The following FAT2 variants were observed in gnomAD, a reference collection of about 807,000 sequenced individuals.
The protein encoded by FAT2 is FAT atypical cadherin 2.
A neutral mutation model predicts 295.3 loss-of-function variants in FAT2; 150 were observed. That is an observed-to-expected ratio of 0.51 (90% CI 0.44 to 0.58). The LOEUF (loss-of-function observed/expected upper bound fraction) is 0.58, where lower values mean the gene tolerates loss of function less well. Among genes scored for constraint, FAT2 ranks in the 20% least tolerant of loss-of-function variants. FAT2 has a pLI of 0.00. For synonymous variants in FAT2, 2,026 were observed against 2,150.3 expected (o/e 0.94, Z 1.60); for missense variants, 4,868 against 5,442.7 (o/e 0.89, Z 3.32).
intron 19 of FAT2, 67 bp downstream of exon 19, chr5:151,521,209 C>A: frequency 6.7e-7 from 1 of 1,489,346 alleles, no homozygotes; most frequent in Admixed American, 2.0e-5. Context: ...GTGGAATCTC[C>A]ATGCTTAGAG....
At chr5:151,575,763 A>G (rs1211466697) in intron 1 of FAT2, among the ~76,000 whole-genome samples, 1 of 152,226 alleles carries the variant, frequency 6.6e-6, no homozygotes, top group Admixed American at 6.5e-5. Flanking sequence ...GGCCTGGAGT[A>G]GCTGGAGTTC....
intron 1 of FAT2, among the ~76,000 whole-genome samples, chr5:151,587,141 C>G (rs1581479886): frequency 7.0e-6 from 1 of 142,540 alleles, no homozygotes; most frequent in Non-Finnish European, 1.5e-5. Flanking sequence ...GGCTCCGTCT[C>G]AAAAAAACAA....
At chr5:151,594,214 C>CA (rs1222965184), upstream of FAT2, among the ~76,000 whole-genome samples, 3 of 152,168 alleles carry the variant, frequency 2.0e-5, 1 homozygote, top group Non-Finnish European at 4.4e-5. Context: ...TGTCTGAAGC[C>CA]CTTAACCCAG....
chr5:151,580,593 G>A lies in FAT2; in HGVS notation c.-21+10572C>T, dbSNP rs73274000. On this transcript the variant is annotated intron_variant, in intron 1 of 23. Transcript: ENST00000261800. Reference sequence around the variant, plus strand: ...TGGGAGGGTCCCTTAACACACACGCGTGCTCGCACACACACACACGGGTCT... The same window carrying A: ...TGGGAGGGTCCCTTAACACACACGCATGCTCGCACACACACACACGGGTCT... Among the ~76,000 whole-genome samples, 1,070 of 152,268 alleles carry A rather than the reference G, an allele frequency of 7.0e-3. 13 individuals carry two copies. Among genetic ancestry groups the A allele is most frequent in the African/African-American group, 0.024 (981 of 41,554 alleles).
chr5:151,519,821 A>G (rs1753254914), intron 19 of FAT2, among the ~76,000 whole-genome samples: 1 of 152,142 alleles, frequency 6.6e-6, no homozygotes, highest in African/African-American at 2.4e-5. Context: ...GTATTTCTTC[A>G]ATGCAAGCCC....
intron 1 of FAT2, among the ~76,000 whole-genome samples, chr5:151,576,109 A>G (rs768640167): frequency 6.6e-6 from 1 of 152,192 alleles, no homozygotes; most frequent in African/African-American, 2.4e-5. Context: ...TACACATACT[A>G]TTAAAGCAGA....
intron 1 of FAT2, among the ~76,000 whole-genome samples, chr5:151,570,900 A>G (rs906083115): frequency 1.3e-5 from 2 of 152,112 alleles, no homozygotes; most frequent in African/African-American, 4.8e-5. Flanking sequence ...ATTCCGAGAT[A>G]AGAGGCAGGA....
chr5:151,561,342 AC>A (rs1391937364), intron 3 of FAT2, among the ~76,000 whole-genome samples: 5 of 152,064 alleles, frequency 3.3e-5, no homozygotes, highest in Non-Finnish European at 1.5e-5. Flanking sequence ...GTCAGCAAGG[AC>A]AGACCAGGCA....
chr5:151,542,753 C>T lies in FAT2; in HGVS notation c.8374G>A (p.Asp2792Asn). The change falls in exon 10 of 24, where the codon GAC becomes AAC. Residue 2792 changes from aspartate to asparagine, a missense_variant. Asp to Asn is a conservative substitution (Grantham distance 23). Transcript: ENST00000261800. ...TCAGCCTCAAATACAGGCCTATTGT[C>T]ATTGACGTCTCCCACTTGGATGTTG... ...SVNIQVGDVN[D>N]NRPVFEADPY... is the part of the protein sequence containing the mutation. 6.2e-7 allele frequency: 1 copy of T among 1,614,208 alleles called. No individual in the cohort carries two copies. The highest frequency in any genetic ancestry group is 8.5e-7 in the Non-Finnish European group (1 of 1,180,046).
At chr5:151,526,088 T>C in intron 17 of FAT2, 123 bp from the exon 18 acceptor site, 1 of 931,098 alleles carries the variant, frequency 1.1e-6, no homozygotes, top group Non-Finnish European at 1.7e-6. Context: ...AGATGGTGCC[T>C]GGACATCAAG....
Position 151,545,614 on chromosome 5 carries a change from A to C in FAT2, c.5513T>G (p.Phe1838Cys). Residue 1838 changes from phenylalanine (F) to cysteine (C), a missense_variant, in exon 10 of 24, where the codon TTC (phenylalanine) becomes TGC (cysteine). By Grantham distance (205) the Phe-to-Cys change is radical. Around this residue, in one of 5 missense-constraint regions of FAT2, gnomAD observed 3,297 missense variants for 3,669.4 expected, o/e 0.90. Transcript: ENST00000261800. ...TCCTTGGTCATGGACATAGACACAG[A>C]ATTGGAAAGAGGGCATGCTCTCATA... Reference protein sequence around the residue: ...MDYESMPSFQFCVYVHDQGSP... With the variant: ...MDYESMPSFQCCVYVHDQGSP... 6.2e-7 allele frequency: 1 copy of C among 1,614,122 alleles called. No individual in the cohort carries two copies.
chr5:151,527,287 C>T lies in FAT2; in HGVS notation c.10255G>A (p.Val3419Ile), dbSNP rs1257086725. The T allele has an allele frequency of 6.2e-7, 1 of 1,605,724 alleles. No individual in the cohort carries two copies. Among genetic ancestry groups the T allele is most frequent in the Non-Finnish European group, 8.5e-7 (1 of 1,175,380 alleles). The change falls in exon 17 of 24, where the codon GTC becomes ATC. Residue 3419 changes from valine to isoleucine, a missense_variant. Around this residue, in one of 5 missense-constraint regions of FAT2, gnomAD observed 1,046 missense variants for 1,210.1 expected, o/e 0.86. Coordinates refer to ENST00000261800, the MANE Select transcript of FAT2 (RefSeq NM_001447.3). ...AAGAATCTCGGTGGGTTATCATTGACATCAGCCACTTGGATAGCGATGTCT... is the reference window on the plus strand; with the variant it reads ...AAGAATCTCGGTGGGTTATCATTGATATCAGCCACTTGGATAGCGATGTCT... ...DTDIAIQVAD[V>I]NDNPPRFFQL...
In FAT2 at chr5:151,532,388, AACACACACACAC is replaced by A. The variant is rs3056512; in HGVS notation, c.9428-430_9428-419del. 7.8e-3 allele frequency among the ~76,000 whole-genome samples: 1,170 copies of A among 150,484 alleles called. 11 individuals carry two copies. The highest frequency in any genetic ancestry group is 0.015 in the African/African-American group (627 of 41,052). On this transcript the variant is annotated intron_variant, in intron 13 of 23. Coordinates refer to ENST00000261800, the MANE Select transcript of FAT2 (RefSeq NM_001447.3). ...GCATAGAACTAAGTGTGCGTGTACA[AACACACACACAC>A]ACACACACACACACACACGCAAATG...
Position 151,545,039 on chromosome 5 carries a change from G to T in FAT2, c.6088C>A (p.Arg2030=), listed in dbSNP as rs746841123. The T allele has an allele frequency of 6.2e-7, 1 of 1,613,950 alleles. No individual in the cohort carries two copies. The highest frequency in any genetic ancestry group is 1.3e-5 in the African/African-American group (1 of 74,892). Residue 2030 remains arginine, a synonymous_variant, in exon 10 of 24, where the codon CGG becomes AGG. Coordinates refer to ENST00000261800, the MANE Select transcript of FAT2 (RefSeq NM_001447.3). ...AACTCATGAGTGTCCTGCTGCTCCC[G>T]GTCAAACGCCACACCTCTTGTCTGC... is the stretch of plus-strand genomic sequence containing the variant. ...VLQTRGVAFD[R]EQQDTHELAV...
chr5:151,533,394 AC>A (rs1754877364), intron 13 of FAT2, among the ~76,000 whole-genome samples: 799 of 10,346 alleles, frequency 0.077, 14 homozygotes, highest in East Asian at 0.35. Flanking sequence ...GTTATCTCCA[AC>A]ACACACACAC....
intron 16 of FAT2, 46 bp downstream of exon 16, chr5:151,527,950 T>A (rs1754188606): frequency 6.3e-7 from 1 of 1,599,970 alleles, no homozygotes; most frequent in Non-Finnish European, 8.5e-7. Flanking sequence ...TGGGACTGTG[T>A]CTCTGCTCTA....
Position 151,568,116 on chromosome 5 carries a change from A to G in FAT2, c.816T>C (p.Tyr272=). ...TATTTGCATCGACCAGTACAGTGGCATAGGTGGTACCATCATTGCTGTCTG... is the reference window on the plus strand; with the variant it reads ...TATTTGCATCGACCAGTACAGTGGCGTAGGTGGTACCATCATTGCTGTCTG... The part of the protein sequence containing the change: ...TPPDSNDGTT[Y]ATVLVDANSS... Residue 272 remains tyrosine (Y), a synonymous_variant, in exon 2 of 24, where the codon TAT becomes TAC. Coordinates refer to ENST00000261800, the MANE Select transcript of FAT2 (RefSeq NM_001447.3). 6.2e-7 allele frequency: 1 copy of G among 1,614,194 alleles called. No homozygotes were observed. Among genetic ancestry groups the G allele is most frequent in the Non-Finnish European group, 8.5e-7 (1 of 1,180,044 alleles).
At chr5:151,524,513 C>T (rs1001439969) in intron 18 of FAT2, among the ~76,000 whole-genome samples, 5 of 152,208 alleles carry the variant, frequency 3.3e-5, no homozygotes, top group African/African-American at 7.2e-5. Flanking sequence ...GCTGGCACCC[C>T]GATCTGGGAC....
At chr5:151,520,112 G>T (rs896215615) in intron 19 of FAT2, among the ~76,000 whole-genome samples, 2 of 152,226 alleles carry the variant, frequency 1.3e-5, no homozygotes, top group African/African-American at 4.8e-5. Flanking sequence ...AGCCTAAATC[G>T]AGTGGTCCCT....
Sources: gnomAD v4.1 joint callset for allele counts (sites outside exome capture counted in the v4.1 genomes callset) on GRCh38, gnomAD v4.1.1 for gene constraint, gnomAD v4.1.1 regional missense constraint, MANE v1.5 for transcripts, NCBI Gene and HGNC (gene_info 2026-07-23, HGNC 2026-07-21) for gene names.